The following DOK6 variants were observed in gnomAD, a reference collection of about 807,000 sequenced individuals.
DOK6 encodes the protein docking protein 6.
In DOK6, 22 loss-of-function variants were observed where a neutral mutation model predicts 44.0. That is an observed-to-expected ratio of 0.50 (90% CI 0.36 to 0.71). The LOEUF (loss-of-function observed/expected upper bound fraction) is 0.71. Among genes scored for constraint, DOK6 ranks in the 30% least tolerant of loss-of-function variants. DOK6 has a pLI of 0.00. For missense variants in DOK6, 340 were observed against 416.4 expected (o/e 0.82, Z 1.60); for synonymous variants, 166 against 145.5 (o/e 1.14, Z -1.01).
chr18:69,767,992 C>G (rs1020431043), intron 7 of DOK6, among the ~76,000 whole-genome samples: 5 of 152,192 alleles, frequency 3.3e-5, no homozygotes, highest in Non-Finnish European at 7.3e-5. Context: ...TTGCTTCACT[C>G]TCTTTAATTC....
chr18:69,441,611 A>G (rs1427840617), intron 1 of DOK6, among the ~76,000 whole-genome samples: 1 of 152,224 alleles, frequency 6.6e-6, no homozygotes, highest in East Asian at 1.9e-4. Flanking sequence ...AGGTATTTCC[A>G]AATTAGATAA....
At chr18:69,552,904 C>T (rs567357553) in intron 1 of DOK6, among the ~76,000 whole-genome samples, 3 of 152,344 alleles carry the variant, frequency 2.0e-5, no homozygotes, top group Non-Finnish European at 4.4e-5. Flanking sequence ...TGCGCGTGTG[C>T]GCACAGAGAT....
chr18:69,485,040 G>A (rs1462727921), intron 1 of DOK6, among the ~76,000 whole-genome samples: 1 of 152,008 alleles, frequency 6.6e-6, no homozygotes, highest in Non-Finnish European at 1.5e-5. Flanking sequence ...TATTGATTGG[G>A]GGGTTACAAA....
At chr18:69,632,662 C>T (rs532397450) in intron 3 of DOK6, among the ~76,000 whole-genome samples, 3 of 152,192 alleles carry the variant, frequency 2.0e-5, no homozygotes, top group South Asian at 2.1e-4. Flanking sequence ...TAAAGTCTCC[C>T]GAGGTATATT....
rs151025526 is a variant in DOK6 at position 69,499,079 on chromosome 18, G to A, written c.67-65408G>A. 2.7e-3 allele frequency among the ~76,000 whole-genome samples: 412 copies of A among 151,962 alleles called. 3 individuals carry two copies. The highest frequency in any genetic ancestry group is 8.5e-3 in the African/African-American group (351 of 41,452). On this transcript the variant is annotated intron_variant, in intron 1 of 7. Coordinates refer to ENST00000382713, the MANE Select transcript of DOK6 (RefSeq NM_152721.6). ...GTAATAATTTTGAATATTACATTTC[G>A]CAATGGTATATGCTGTGTGTAAATG...
chr18:69,485,749 C>T (rs1028930964), intron 1 of DOK6, among the ~76,000 whole-genome samples: 1 of 152,074 alleles, frequency 6.6e-6, no homozygotes, highest in Non-Finnish European at 1.5e-5. Context: ...CAGACATATC[C>T]TGTCCATTCT....
chr18:69,706,525 T>TAAA (rs1339384057), intron 5 of DOK6, among the ~76,000 whole-genome samples: 1 of 151,424 alleles, frequency 6.6e-6, no homozygotes, highest in East Asian at 1.9e-4. Context: ...TTTTTTTTTT[T>TAAA]AATTTTATTA....
intron 3 of DOK6, among the ~76,000 whole-genome samples, chr18:69,676,868 G>C (rs1985933765): frequency 6.6e-6 from 1 of 152,120 alleles, no homozygotes; most frequent in African/African-American, 2.4e-5. Flanking sequence ...ATGAAAGCCT[G>C]TGAAAACTTT....
At chr18:69,522,510 T>G (rs1235097880) in intron 1 of DOK6, among the ~76,000 whole-genome samples, 2 of 152,036 alleles carry the variant, frequency 1.3e-5, no homozygotes, top group Admixed American at 6.6e-5. Context: ...TACATACTTA[T>G]GGATGGATAA....
At chr18:69,630,714 G>A (rs1168608463) in intron 3 of DOK6, among the ~76,000 whole-genome samples, 1 of 152,124 alleles carries the variant, frequency 6.6e-6, no homozygotes, top group South Asian at 2.1e-4. Context: ...CATTAGTTTG[G>A]ATTTATTTGT....
intron 1 of DOK6, among the ~76,000 whole-genome samples, chr18:69,452,118 C>A (rs550649032): frequency 1.8e-4 from 28 of 152,010 alleles, no homozygotes; most frequent in African/African-American, 6.0e-4. Context: ...ATCAATGAAT[C>A]CAGGAGCTGG....
chr18:69,687,786 G>C (rs1010713399), intron 4 of DOK6, among the ~76,000 whole-genome samples: 2 of 152,052 alleles, frequency 1.3e-5, no homozygotes, highest in African/African-American at 4.8e-5. Flanking sequence ...AGTACTCAAT[G>C]TTTTTCTCCT....
At chr18:69,421,084 A>G (rs1365946730) in intron 1 of DOK6, among the ~76,000 whole-genome samples, 1 of 152,146 alleles carries the variant, frequency 6.6e-6, no homozygotes, top group East Asian at 1.9e-4. Flanking sequence ...AAATGTACTC[A>G]AAGATTAAGA....
At chr18:69,601,991 A>G (rs767466649) in intron 3 of DOK6, among the ~76,000 whole-genome samples, 4 of 152,250 alleles carry the variant, frequency 2.6e-5, no homozygotes, top group African/African-American at 9.6e-5. Flanking sequence ...TTATGAGTCC[A>G]TGCTTTAGCA....
intron 7 of DOK6, among the ~76,000 whole-genome samples, chr18:69,771,157 C>G (rs909050854): frequency 4.0e-5 from 6 of 151,816 alleles, no homozygotes; most frequent in African/African-American, 7.3e-5. Context: ...AAACTCAAGA[C>G]ATGAAGAAAT....
intron 3 of DOK6, among the ~76,000 whole-genome samples, chr18:69,624,663 GAATT>G (rs1984516792): frequency 6.6e-6 from 1 of 152,062 alleles, no homozygotes; most frequent in South Asian, 2.1e-4. Context: ...CCAGATTTTT[GAATT>G]AATTAATGAA....
intron 1 of DOK6, among the ~76,000 whole-genome samples, chr18:69,452,033 G>T (rs1979483038): frequency 6.7e-6 from 1 of 149,876 alleles, no homozygotes; most frequent in African/African-American, 2.5e-5. Context: ...ACATTCAAAA[G>T]CTAGCAGAAG....
chr18:69,472,119 C>G (rs1047727328), intron 1 of DOK6, among the ~76,000 whole-genome samples: 1 of 152,140 alleles, frequency 6.6e-6, no homozygotes, highest in African/African-American at 2.4e-5. Context: ...TATGAGAAAA[C>G]TGAGACATAA....
intron 4 of DOK6, among the ~76,000 whole-genome samples, chr18:69,692,818 A>T (rs1385406134): frequency 2.0e-5 from 3 of 152,252 alleles, no homozygotes; most frequent in African/African-American, 7.2e-5. Context: ...AGCTATTTTA[A>T]ATCATTATAT....
Sources: allele counts gnomAD v4.1 joint callset (sites outside exome capture counted in the v4.1 genomes callset), GRCh38; gene constraint gnomAD v4.1.1; transcripts MANE v1.5; gene names NCBI Gene and HGNC (gene_info 2026-07-23, HGNC 2026-07-21).